Variants in ZNF385D observed in about 807,000 individuals in gnomAD.
ZNF385D encodes the protein zinc finger protein 659.
Under a neutral mutation model 35.8 loss-of-function variants are expected in ZNF385D, and 15 were observed. That is an observed-to-expected ratio of 0.42 (90% CI 0.28 to 0.64). The LOEUF (loss-of-function observed/expected upper bound fraction) is 0.64, where lower values mean the gene tolerates loss of function less well. Ranked by LOEUF, ZNF385D falls within the 30% of genes least tolerant of loss-of-function variation. ZNF385D has a pLI of 0.23. For missense variants in ZNF385D, 474 were observed against 494.6 expected (o/e 0.96, Z 0.39); for synonymous variants, 212 against 186.8 (o/e 1.13, Z -1.10).
chr3:21,740,002 G>A (rs2069433359), intron 1 of ZNF385D, among the ~76,000 whole-genome samples: 1 of 152,172 alleles, frequency 6.6e-6, no homozygotes, highest in Non-Finnish European at 1.5e-5. Flanking sequence ...CCAGTCTTGA[G>A]AGTTGAATCT....
intron 2 of ZNF385D, among the ~76,000 whole-genome samples, chr3:22,283,105 G>A (rs1210658515): frequency 6.6e-6 from 1 of 151,982 alleles, no homozygotes; most frequent in East Asian, 1.9e-4. Flanking sequence ...TTATATAAAT[G>A]ATAAAGGACT....
chr3:22,240,581 C>A (rs1032645818), intron 2 of ZNF385D, among the ~76,000 whole-genome samples: 1 of 150,992 alleles, frequency 6.6e-6, no homozygotes, highest in Admixed American at 6.6e-5. Flanking sequence ...TCATGGACTG[C>A]ACAATGTGAC....
chr3:22,358,203 G>C (rs958137363), intron 2 of ZNF385D, among the ~76,000 whole-genome samples: 5 of 151,852 alleles, frequency 3.3e-5, no homozygotes, highest in South Asian at 2.1e-4. Context: ...CTGAAAAATT[G>C]TCTCAGAAAT....
chr3:22,098,183 G>A (rs982315832), intron 3 of ZNF385D, among the ~76,000 whole-genome samples: 9 of 152,032 alleles, frequency 5.9e-5, no homozygotes, highest in African/African-American at 1.9e-4. Flanking sequence ...AATCTATTAC[G>A]ACCAATAAAA....
chr3:22,321,599 T>G (rs1350748603), intron 2 of ZNF385D, among the ~76,000 whole-genome samples: 3 of 152,170 alleles, frequency 2.0e-5, no homozygotes, highest in African/African-American at 7.2e-5. Context: ...TCTCCTGACC[T>G]CGTGATCCAC....
intron 3 of ZNF385D, among the ~76,000 whole-genome samples, chr3:21,967,610 A>G (rs1702984858): frequency 6.6e-6 from 1 of 152,298 alleles, no homozygotes; most frequent in African/African-American, 2.4e-5. Flanking sequence ...TCATTTACTG[A>G]TTTTTGACAT....
chr3:21,546,707 C>T (rs1301546581), intron 3 of ZNF385D, among the ~76,000 whole-genome samples: 1 of 151,976 alleles, frequency 6.6e-6, no homozygotes, highest in Non-Finnish European at 1.5e-5. Flanking sequence ...AAGCCAGCCG[C>T]AAGCTTCCTG....
chr3:22,302,257 T>C lies in ZNF385D; in HGVS notation c.106+70193A>G, dbSNP rs184264064. Among the ~76,000 whole-genome samples, 670 of 152,172 alleles carry C rather than the reference T, an allele frequency of 4.4e-3. 5 individuals are homozygous for C. Among genetic ancestry groups the C allele is most frequent in the African/African-American group, 0.014 (586 of 41,550 alleles). On this transcript the variant is annotated intron_variant, in intron 2 of 5. Transcript: ENST00000494108. ...AGCTACCTAGGATGGGTCCTGGGAC[T>C]CCACATCTTCATCAACACTTAGTAT...
intron 2 of ZNF385D, among the ~76,000 whole-genome samples, chr3:21,628,792 A>G (rs2125829871): frequency 6.6e-6 from 1 of 152,288 alleles, no homozygotes; most frequent in African/African-American, 2.4e-5. Flanking sequence ...AAGTGGGAAT[A>G]GAAGCACTAT....
At chr3:21,937,347 G>A (rs533419344) in intron 3 of ZNF385D, among the ~76,000 whole-genome samples, 4 of 152,050 alleles carry the variant, frequency 2.6e-5, no homozygotes, top group East Asian at 3.9e-4. Flanking sequence ...TTTGACCTTC[G>A]GAGAACAATA....
At chr3:22,145,734 C>G (rs764323465) in intron 3 of ZNF385D, among the ~76,000 whole-genome samples, 2 of 152,142 alleles carry the variant, frequency 1.3e-5, no homozygotes, top group Non-Finnish European at 2.9e-5. Flanking sequence ...AAAGATTTAA[C>G]TATTCTGTAT....
chr3:21,907,693 T>TAC (rs1699750259), intron 3 of ZNF385D, among the ~76,000 whole-genome samples: 1 of 152,144 alleles, frequency 6.6e-6, no homozygotes, highest in Non-Finnish European at 1.5e-5. Flanking sequence ...CATCCACCAG[T>TAC]ACATCCTCAA....
At chr3:21,732,061 T>TGAGAACGGAG (rs2069039031) in intron 1 of ZNF385D, among the ~76,000 whole-genome samples, 2 of 86,408 alleles carry the variant, frequency 2.3e-5, no homozygotes, top group Admixed American at 1.3e-4. Context: ...TTTTTTTTTT[T>TGAGAACGGAG]TTTTTTTTGA....
chr3:22,273,250 C>G (rs555249288), intron 2 of ZNF385D, among the ~76,000 whole-genome samples: 8 of 152,140 alleles, frequency 5.3e-5, no homozygotes, highest in African/African-American at 1.7e-4. Context: ...ATAGCTTTAT[C>G]TGTAGAACCT....
chr3:21,781,663 G>A lies in ZNF385D; in HGVS notation c.326-116635C>T, dbSNP rs555902542. On this transcript the variant is annotated intron_variant, in intron 3 of 5. Coordinates refer to the ZNF385D transcript ENST00000494108. ...AGTAAGATTCCTTGCTGTTCTTGAC[G>A]ACATGAGCCAGACACCTTAAACAAA... is the stretch of plus-strand genomic sequence containing the variant. 5.3e-5 allele frequency among the ~76,000 whole-genome samples: 8 copies of A among 151,982 alleles called. No homozygotes were observed. The South Asian group carries it at 1.7e-3, about 32-fold the overall frequency.
intron 2 of ZNF385D, among the ~76,000 whole-genome samples, chr3:22,175,175 A>C (rs1287322060): frequency 6.6e-6 from 1 of 151,998 alleles, no homozygotes; most frequent in Non-Finnish European, 1.5e-5. Context: ...CCAGCTCATA[A>C]AATGAAGGTA....
intron 3 of ZNF385D, among the ~76,000 whole-genome samples, chr3:22,068,045 C>T (rs1278250483): frequency 6.6e-6 from 1 of 152,026 alleles, no homozygotes; most frequent in Non-Finnish European, 1.5e-5. Flanking sequence ...CTGATCAATA[C>T]AGTAGCCACT....
At chr3:22,353,522 AC>A (rs1419061878) in intron 2 of ZNF385D, among the ~76,000 whole-genome samples, 9 of 152,072 alleles carry the variant, frequency 5.9e-5, no homozygotes, top group Non-Finnish European at 1.2e-4. Flanking sequence ...TATGTGCCAG[AC>A]CCTGCCATCA....
intron 2 of ZNF385D, among the ~76,000 whole-genome samples, chr3:22,302,158 C>T (rs1217672013): frequency 1.3e-5 from 2 of 152,036 alleles, no homozygotes; most frequent in Non-Finnish European, 2.9e-5. Context: ...TGCAGGGATG[C>T]AGATTTTCAA....
Sources: allele counts gnomAD v4.1 joint callset (sites outside exome capture counted in the v4.1 genomes callset), GRCh38; gene constraint gnomAD v4.1.1; transcripts MANE v1.5; gene names NCBI Gene and HGNC (gene_info 2026-07-23, HGNC 2026-07-21).